NELL2: variants seen among roughly 807,000 people sequenced by gnomAD.
NELL2 encodes the protein protein kinase C-binding protein NELL2.
NELL2 carries 41 observed loss-of-function variants against 109.6 expected under a neutral mutation model. The ratio of observed to expected loss-of-function variants is 0.37; its 90% confidence interval spans 0.29 to 0.49. The LOEUF (loss-of-function observed/expected upper bound fraction) is 0.49, where lower values mean the gene tolerates loss of function less well. Among genes scored for constraint, NELL2 ranks in the 20% least tolerant of loss-of-function variants. The pLI, the probability that NELL2 is intolerant of heterozygous loss-of-function variation, is 0.98. For missense variants in NELL2, 900 were observed against 1,008.3 expected (o/e 0.89, Z 1.45); for synonymous variants, 355 against 344.7 (o/e 1.03, Z -0.33).
chr12:44,796,643 CTAA>C (rs1381131549), intron 3 of NELL2, among the ~76,000 whole-genome samples: 1 of 151,956 alleles, frequency 6.6e-6, no homozygotes, highest in Non-Finnish European at 1.5e-5. Context: ...TGTTTCAAAA[CTAA>C]TAATAACACT....
At chr12:44,635,067 G>A (rs1412663768) in intron 13 of NELL2, among the ~76,000 whole-genome samples, 1 of 152,082 alleles carries the variant, frequency 6.6e-6, no homozygotes, top group African/African-American at 2.4e-5. Context: ...TTTGTTGGCT[G>A]CATAAATGTC....
upstream of NELL2, among the ~76,000 whole-genome samples, chr12:44,914,637 T>C (rs1945812859): frequency 6.6e-6 from 1 of 152,178 alleles, no homozygotes; most frequent in Non-Finnish European, 1.5e-5. Flanking sequence ...CTCTGTTTTA[T>C]TCTCTGATAT....
chr12:44,870,250 TC>T (rs1381559446), intron 2 of NELL2, among the ~76,000 whole-genome samples: 1 of 152,196 alleles, frequency 6.6e-6, no homozygotes, highest in Non-Finnish European at 1.5e-5. Flanking sequence ...TTCTTCTAAG[TC>T]CTCAATAATA....
chr12:44,577,630 C>G (rs1347576748), intron 15 of NELL2, among the ~76,000 whole-genome samples: 1 of 151,804 alleles, frequency 6.6e-6, no homozygotes, highest in Admixed American at 6.6e-5. Flanking sequence ...GGCGCCACCA[C>G]CATGCCCGGC....
At chr12:44,735,690 C>T (rs549482461) in intron 9 of NELL2, among the ~76,000 whole-genome samples, 2 of 152,246 alleles carry the variant, frequency 1.3e-5, no homozygotes, top group Admixed American at 6.5e-5. Flanking sequence ...TGATTTTTTT[C>T]ACTGTATTCT....
intron 9 of NELL2, among the ~76,000 whole-genome samples, chr12:44,766,409 G>A (rs895115758): frequency 6.6e-6 from 1 of 152,134 alleles, no homozygotes; most frequent in African/African-American, 2.4e-5. Context: ...GTGCAGTTGG[G>A]TTGTCGGAAT....
chr12:44,827,096 A>G (rs1184217143), intron 2 of NELL2, among the ~76,000 whole-genome samples: 1 of 152,214 alleles, frequency 6.6e-6, no homozygotes, highest in Non-Finnish European at 1.5e-5. Flanking sequence ...TTCTGCTTTA[A>G]AAATTACTGA....
chr12:44,746,374 G>A (rs1807170897), intron 9 of NELL2, among the ~76,000 whole-genome samples: 1 of 152,086 alleles, frequency 6.6e-6, no homozygotes, highest in Non-Finnish European at 1.5e-5. Flanking sequence ...ATACCATTCA[G>A]GACATAGGCA....
chr12:44,795,119 C>T (rs1000543042), intron 3 of NELL2, among the ~76,000 whole-genome samples: 2 of 152,114 alleles, frequency 1.3e-5, no homozygotes, highest in African/African-American at 4.8e-5. Context: ...AAAATAGGGT[C>T]ATGTCTCATA....
chr12:44,871,640 C>G (rs142591434), intron 2 of NELL2, among the ~76,000 whole-genome samples: 1 of 152,270 alleles, frequency 6.6e-6, no homozygotes, highest in East Asian at 1.9e-4. Flanking sequence ...CAGATGCTCA[C>G]CAACCATCAT....
chr12:44,637,464 C>A (rs1229065833), intron 13 of NELL2, among the ~76,000 whole-genome samples: 1 of 143,836 alleles, frequency 7.0e-6, no homozygotes. Context: ...AGCTGATACA[C>A]AAATCACAGT....
intron 9 of NELL2, among the ~76,000 whole-genome samples, chr12:44,763,085 C>G (rs980628588): frequency 6.6e-6 from 1 of 152,156 alleles, no homozygotes; most frequent in African/African-American, 2.4e-5. Context: ...CTGATTGTCT[C>G]CCCCAGCTCT....
At chr12:44,553,433 A>G (rs1407565731) in intron 15 of NELL2, among the ~76,000 whole-genome samples, 1 of 152,204 alleles carries the variant, frequency 6.6e-6, no homozygotes, top group African/African-American at 2.4e-5. Flanking sequence ...GCCAAGCAAC[A>G]TTCTTAAATA....
chr12:44,699,395 TA>T (rs1447743039), intron 12 of NELL2, among the ~76,000 whole-genome samples: 1 of 152,098 alleles, frequency 6.6e-6, no homozygotes, highest in Non-Finnish European at 1.5e-5. Flanking sequence ...ACTATGTTTA[TA>T]AATATCTGAG....
chr12:44,782,402 A>G (rs1249510510), intron 3 of NELL2, among the ~76,000 whole-genome samples: 1 of 152,032 alleles, frequency 6.6e-6, no homozygotes, highest in African/African-American at 2.4e-5. Context: ...AAACTCAAGC[A>G]TATAATTTTA....
At chr12:44,770,367 G>A (rs1314904940) in intron 9 of NELL2, among the ~76,000 whole-genome samples, 1 of 152,072 alleles carries the variant, frequency 6.6e-6, no homozygotes, top group African/African-American at 2.4e-5. Flanking sequence ...ATACATATGA[G>A]GCAACTGAGT....
At chr12:44,734,125 C>T (rs188423057) in intron 9 of NELL2, among the ~76,000 whole-genome samples, 11 of 151,872 alleles carry the variant, frequency 7.2e-5, no homozygotes, top group Non-Finnish European at 1.2e-4. Context: ...TCTATTGTTC[C>T]TTGTAATTCT....
intron 15 of NELL2, among the ~76,000 whole-genome samples, chr12:44,537,627 G>A (rs1942354901): frequency 6.6e-6 from 1 of 152,064 alleles, no homozygotes. Context: ...ATAAACAGTA[G>A]GCAATTAAAG....
At chr12:44,587,953 C>T (rs1367129358) in intron 15 of NELL2, among the ~76,000 whole-genome samples, 1 of 152,108 alleles carries the variant, frequency 6.6e-6, no homozygotes, top group East Asian at 1.9e-4. Context: ...AGATAGAGAC[C>T]ATCCTGGCTA....
Sources: gnomAD v4.1 joint callset for allele counts (sites outside exome capture counted in the v4.1 genomes callset) on GRCh38, gnomAD v4.1.1 for gene constraint, MANE v1.5 for transcripts, NCBI Gene and HGNC (gene_info 2026-07-23, HGNC 2026-07-21) for gene names.